Variants in GRIK1 observed in about 807,000 individuals in gnomAD.
GRIK1 encodes glutamate ionotropic receptor kainate type subunit 1, also known as glutamate receptor ionotropic, kainate 1.
GRIK1 carries 69 observed loss-of-function variants against 105.7 expected under a neutral mutation model. The ratio of observed to expected loss-of-function variants is 0.65; its 90% CI spans 0.54 to 0.80. GRIK1 has a LOEUF of 0.80. Ranked by LOEUF, GRIK1 falls within the 30% of genes least tolerant of loss-of-function variation. The pLI is 0.00. For missense variants in GRIK1, 1,109 were observed against 1,167.3 expected, an observed-to-expected ratio of 0.95 and a Z score of 0.73; for synonymous variants, 438 against 431.3, an observed-to-expected ratio of 1.02 and a Z score of -0.19.
chr21:29,885,448 A>C (rs1263585905), intron 1 of GRIK1, among the ~76,000 whole-genome samples: 1 of 152,076 alleles, frequency 6.6e-6, no homozygotes, highest in Admixed American at 6.6e-5. Flanking sequence ...AGATCTGCAA[A>C]AAAATCTTGT....
chr21:29,706,331 A>G (rs1329108108), intron 1 of GRIK1, among the ~76,000 whole-genome samples: 1 of 152,272 alleles, frequency 6.6e-6, no homozygotes, highest in Non-Finnish European at 1.5e-5. Context: ...AGGCAACAAC[A>G]GTGCTGTAGA....
At chr21:29,734,470 A>G (rs924721696) in intron 1 of GRIK1, among the ~76,000 whole-genome samples, 1 of 150,732 alleles carries the variant, frequency 6.6e-6, no homozygotes, top group African/African-American at 2.5e-5. Flanking sequence ...GTGCAGTGGC[A>G]CAATCACAGC....
At chr21:29,666,420 A>T (rs1462657483) in intron 4 of GRIK1, among the ~76,000 whole-genome samples, 1 of 152,190 alleles carries the variant, frequency 6.6e-6, no homozygotes, top group Non-Finnish European at 1.5e-5. Context: ...AATAATAAAT[A>T]AATAAAGTTT....
At chr21:29,576,758 GT>G (rs1426566347) in intron 14 of GRIK1, among the ~76,000 whole-genome samples, 1 of 152,028 alleles carries the variant, frequency 6.6e-6, no homozygotes, top group Non-Finnish European at 1.5e-5. Context: ...ATGACACCTA[GT>G]TGGGGACCAA....
intron 16 of GRIK1, among the ~76,000 whole-genome samples, chr21:29,545,647 C>T (rs1429222908): frequency 6.6e-6 from 1 of 151,596 alleles, no homozygotes; most frequent in East Asian, 1.9e-4. Flanking sequence ...GCACTACACG[C>T]ATAGCTTTCA....
intron 8 of GRIK1, among the ~76,000 whole-genome samples, chr21:29,598,572 A>G (rs2146319115): frequency 6.6e-6 from 1 of 152,338 alleles, no homozygotes; most frequent in African/African-American, 2.4e-5. Flanking sequence ...TATATATGTA[A>G]TAATATAATC....
chr21:29,910,347 C>G (rs1224516413), intron 1 of GRIK1, among the ~76,000 whole-genome samples: 1 of 152,076 alleles, frequency 6.6e-6, no homozygotes, highest in Admixed American at 6.6e-5. Context: ...TCCTATCTAG[C>G]CTTGTTCACA....
chr21:29,651,048 G>T (rs563503753), intron 6 of GRIK1, 70 bp downstream of exon 6: 2 of 1,126,926 alleles, frequency 1.8e-6, no homozygotes, highest in South Asian at 1.6e-5. Context: ...ATATTTTAAA[G>T]ATACGTGAGA....
intron 1 of GRIK1, among the ~76,000 whole-genome samples, chr21:29,790,956 A>C (rs1255688218): frequency 6.6e-6 from 1 of 152,204 alleles, no homozygotes; most frequent in African/African-American, 2.4e-5. Context: ...TAAACAGGGT[A>C]ATAGAAAGAT....
chr21:29,787,807 T>A (rs976992164), intron 1 of GRIK1, among the ~76,000 whole-genome samples: 49 of 152,188 alleles, frequency 3.2e-4, no homozygotes, highest in African/African-American at 1.2e-3. Flanking sequence ...TGCTAGTGAC[T>A]TCATTTAAAT....
At chr21:29,780,926 T>A (rs1368669334) in intron 1 of GRIK1, among the ~76,000 whole-genome samples, 1 of 152,168 alleles carries the variant, frequency 6.6e-6, no homozygotes, top group Non-Finnish European at 1.5e-5. Flanking sequence ...CCTGGATGAT[T>A]TATTTCCACC....
chr21:29,808,635 A>G (rs184632957), intron 1 of GRIK1, among the ~76,000 whole-genome samples: 2 of 152,304 alleles, frequency 1.3e-5, no homozygotes, highest in Admixed American at 1.3e-4. Context: ...ATTCAATGCC[A>G]GTGTTCCTCC....
chr21:29,553,408 A>G (rs1173022421), intron 16 of GRIK1: 99 of 1,329,596 alleles, frequency 7.4e-5, no homozygotes, highest in Non-Finnish European at 9.1e-5. Flanking sequence ...CAGTGTATTC[A>G]TTTCAATGTC....
chr21:29,630,805 T>C (rs1462470368), intron 7 of GRIK1: 1 of 357,220 alleles, frequency 2.8e-6, no homozygotes, highest in Non-Finnish European at 5.5e-6. Context: ...TTTGTTTTTG[T>C]TTTTGAGACA....
intron 1 of GRIK1, among the ~76,000 whole-genome samples, chr21:29,749,980 T>C (rs1189650823): frequency 6.6e-6 from 1 of 151,756 alleles, no homozygotes. Context: ...TATTTTTATT[T>C]ATTTATATAT....
At chr21:29,620,652 C>G (rs1226309995) in intron 7 of GRIK1, among the ~76,000 whole-genome samples, 1 of 145,002 alleles carries the variant, frequency 6.9e-6, no homozygotes, top group Non-Finnish European at 1.5e-5. Context: ...TGCCTTGGAC[C>G]AAAGGAAAAA....
At chr21:29,737,991 T>C (rs547766094) in intron 1 of GRIK1, among the ~76,000 whole-genome samples, 2 of 152,372 alleles carry the variant, frequency 1.3e-5, no homozygotes, top group South Asian at 4.1e-4. Flanking sequence ...CTCCATTTAT[T>C]TGATTATAGG....
rs148510543 is a variant in GRIK1, at chr21:29,735,070, T to C, written c.119-41007A>G. Among the ~76,000 whole-genome samples, 80 of 152,330 alleles carry C rather than the reference T, an allele frequency of 5.3e-4. 1 individual carries two copies. Among genetic ancestry groups the C allele is most frequent in the Non-Finnish European group, 8.7e-4 (59 of 68,030 alleles). Reference sequence around the variant, plus strand: ...TCTTTCCCCATACTCTACATCTCATTGCTCTTCATAGCATGGTTCAGAACC... The same window carrying C: ...TCTTTCCCCATACTCTACATCTCATCGCTCTTCATAGCATGGTTCAGAACC... On this transcript the variant is annotated intron_variant, in intron 1 of 17. Transcript: ENST00000327783.
intron 1 of GRIK1, among the ~76,000 whole-genome samples, chr21:29,905,282 A>G (rs1385264567): frequency 6.6e-6 from 1 of 152,150 alleles, no homozygotes; most frequent in African/African-American, 2.4e-5. Context: ...TGTATTAAAG[A>G]GCAAGTTATA....
Sources: allele counts gnomAD v4.1 joint callset (sites outside exome capture counted in the v4.1 genomes callset), GRCh38; gene constraint gnomAD v4.1.1; transcripts MANE v1.5; gene names NCBI Gene and HGNC (gene_info 2026-07-23, HGNC 2026-07-21).